Variants in XYLT1 observed in about 807,000 individuals in gnomAD.
XYLT1 encodes beta-D-xylosyltransferase 1.
A neutral mutation model predicts 91.3 loss-of-function variants in XYLT1; 36 were observed. The observed-to-expected ratio is 0.39, with a 90% CI of 0.30 to 0.52. The LOEUF (loss-of-function observed/expected upper bound fraction) is 0.52, where lower values mean the gene tolerates loss of function less well. XYLT1 is among the 20% of genes least tolerant of loss of function. The probability of loss-of-function intolerance (pLI) is 0.68; values close to 1 mark genes in which losing one functional copy is unlikely to be tolerated. For missense variants in XYLT1, 1,242 were observed against 1,284.5 expected (o/e 0.97, Z 0.51); for synonymous variants, 588 against 532.0 (o/e 1.11, Z -1.45).
intron 5 of XYLT1, among the ~76,000 whole-genome samples, chr16:17,192,022 C>T (rs2032319997): frequency 6.6e-6 from 1 of 151,526 alleles, no homozygotes; most frequent in African/African-American, 2.4e-5. Flanking sequence ...CCTCTCTTTA[C>T]ATCTGATTTG....
intron 2 of XYLT1, among the ~76,000 whole-genome samples, chr16:17,339,530 G>C (rs557715787): frequency 6.6e-6 from 1 of 152,304 alleles, no homozygotes; most frequent in Admixed American, 6.5e-5. Flanking sequence ...ACAGTTTTCT[G>C]ATTTTTATAT....
chr16:17,221,898 G>A (rs1056632595), intron 3 of XYLT1, among the ~76,000 whole-genome samples: 3 of 152,128 alleles, frequency 2.0e-5, no homozygotes, highest in African/African-American at 7.2e-5. Flanking sequence ...CCCAACAAAG[G>A]CTTATTTCCT....
chr16:17,351,150 A>G (rs1312256549), intron 2 of XYLT1, among the ~76,000 whole-genome samples: 1 of 152,192 alleles, frequency 6.6e-6, no homozygotes, highest in East Asian at 1.9e-4. Context: ...CATGATGTAC[A>G]TGTTCCTGTG....
chr16:17,156,141 G>A (rs546529944), intron 6 of XYLT1, among the ~76,000 whole-genome samples: 7 of 152,118 alleles, frequency 4.6e-5, no homozygotes, highest in East Asian at 1.9e-4. Context: ...TAAGTCACTC[G>A]TCCAATGCAA....
At chr16:17,353,720 C>T (rs112976250) in intron 2 of XYLT1, among the ~76,000 whole-genome samples, 38,849 of 110,386 alleles carry the variant, frequency 0.35, 6,701 homozygotes, top group African/African-American at 0.57. Context: ...TCTATCTGTC[C>T]GTCTGTCTAT....
chr16:17,229,303 G>C (rs1418797525), intron 3 of XYLT1, among the ~76,000 whole-genome samples: 1 of 152,210 alleles, frequency 6.6e-6, no homozygotes, highest in Non-Finnish European at 1.5e-5. Context: ...CCATGTGAGG[G>C]CTGGTTTGCC....
chr16:17,252,152 C>T (rs117720368), intron 3 of XYLT1, among the ~76,000 whole-genome samples: 133 of 152,182 alleles, frequency 8.7e-4, no homozygotes, highest in Non-Finnish European at 1.7e-3. Context: ...TGTGGTAATA[C>T]TAACAAGCCA....
At chr16:17,397,518 T>C (rs1567188185) in intron 1 of XYLT1, among the ~76,000 whole-genome samples, 4 of 152,162 alleles carry the variant, frequency 2.6e-5, no homozygotes, top group Admixed American at 2.6e-4. Context: ...GGGTACCTGT[T>C]CTCCAGATCA....
intron 1 of XYLT1, among the ~76,000 whole-genome samples, 155 bp from the exon 2 acceptor site, chr16:17,358,205 C>A (rs2141863023): frequency 6.6e-6 from 1 of 151,542 alleles, no homozygotes; most frequent in South Asian, 2.1e-4. Flanking sequence ...TCATAGCTCA[C>A]TCACTGCAGC....
At chr16:17,424,259 C>T (rs886432462) in intron 1 of XYLT1, among the ~76,000 whole-genome samples, 3 of 152,218 alleles carry the variant, frequency 2.0e-5, no homozygotes, top group Admixed American at 6.5e-5. Context: ...TCTACTTCCT[C>T]ACCTGTCAAA....
At chr16:17,180,764 A>G (rs2141567523) in intron 5 of XYLT1, among the ~76,000 whole-genome samples, 1 of 152,212 alleles carries the variant, frequency 6.6e-6, no homozygotes, top group East Asian at 1.9e-4. Context: ...GGTTCTAGAG[A>G]CACTCCATCT....
intron 2 of XYLT1, among the ~76,000 whole-genome samples, chr16:17,261,549 T>A (rs2033722595): frequency 6.6e-6 from 1 of 152,198 alleles, no homozygotes. Flanking sequence ...TGATCCTTAT[T>A]ACACCCATCA....
At chr16:17,169,283 A>T (rs1466105164) in intron 5 of XYLT1, among the ~76,000 whole-genome samples, 4 of 152,236 alleles carry the variant, frequency 2.6e-5, no homozygotes, top group Non-Finnish European at 5.9e-5. Context: ...CTACAAAGGC[A>T]GGCAGTAAAC....
intron 2 of XYLT1, among the ~76,000 whole-genome samples, chr16:17,311,620 G>A (rs945287948): frequency 3.3e-5 from 5 of 152,156 alleles, no homozygotes; most frequent in Admixed American, 1.3e-4. Flanking sequence ...CTTCAACAAC[G>A]TTGATGCTGA....
intron 3 of XYLT1, among the ~76,000 whole-genome samples, chr16:17,243,023 A>G (rs896045322): frequency 6.6e-6 from 1 of 152,192 alleles, no homozygotes; most frequent in Non-Finnish European, 1.5e-5. Flanking sequence ...CTGTTCATGG[A>G]CACCTGTGTT....
intron 5 of XYLT1, among the ~76,000 whole-genome samples, chr16:17,179,451 T>C (rs1597172508): frequency 6.6e-6 from 1 of 152,234 alleles, no homozygotes; most frequent in South Asian, 2.1e-4. Context: ...ATCTTCCTCA[T>C]AACTTTCTGG....
intron 5 of XYLT1, among the ~76,000 whole-genome samples, chr16:17,173,989 G>A (rs557200856): frequency 2.0e-5 from 3 of 152,184 alleles, no homozygotes; most frequent in East Asian, 3.9e-4. Context: ...AGGGTGGCAG[G>A]CTTCCCCAGG....
At chr16:17,368,176 A>C (rs895050262) in intron 1 of XYLT1, among the ~76,000 whole-genome samples, 2 of 152,178 alleles carry the variant, frequency 1.3e-5, no homozygotes, top group South Asian at 4.1e-4. Flanking sequence ...TGGGGAGTGG[A>C]GAGCTTTGCA....
chr16:17,287,341 A>G (rs73527079), intron 2 of XYLT1, among the ~76,000 whole-genome samples: 3,377 of 152,142 alleles, frequency 0.022, 116 homozygotes, highest in African/African-American at 0.077. Flanking sequence ...AAACGCTCAG[A>G]ACGTAGACGG....
Sources: allele counts gnomAD v4.1 joint callset (sites outside exome capture counted in the v4.1 genomes callset), GRCh38; gene constraint gnomAD v4.1.1; transcripts MANE v1.5; gene names NCBI Gene and HGNC (gene_info 2026-07-23, HGNC 2026-07-21).